The following DAB1 variants were observed in gnomAD, a reference collection of about 807,000 sequenced individuals.
DAB1 encodes the protein DAB adaptor protein 1.
A neutral mutation model predicts 64.6 loss-of-function variants in DAB1; 15 were observed. That is an observed-to-expected ratio of 0.23 (90% CI 0.16 to 0.36). The LOEUF (loss-of-function observed/expected upper bound fraction) is 0.36, where lower values mean the gene tolerates loss of function less well. Among genes scored for constraint, DAB1 ranks in the 10% least tolerant of loss-of-function variants. The pLI is 1.00. For synonymous variants in DAB1, 235 were observed against 251.9 expected, an observed-to-expected ratio of 0.93 and a Z score of 0.64; for missense variants, 596 against 706.7, an observed-to-expected ratio of 0.84 and a Z score of 1.78.
chr1:57,913,992 C>T lies in DAB1; in HGVS notation n.388-29830G>A, dbSNP rs182661217. On this transcript the variant is annotated intron_variant and non_coding_transcript_variant, in intron 5 of 20. Coordinates refer to the DAB1 transcript ENST00000485760. Reference sequence around the variant, plus strand: ...AGAAATAGGAACACTTTTACACTGTCGGTGGGACTGTAAACCAGTTCAACC... The same window carrying T: ...AGAAATAGGAACACTTTTACACTGTTGGTGGGACTGTAAACCAGTTCAACC... Among the ~76,000 whole-genome samples, 146 of 152,194 alleles carry T rather than the reference C, an allele frequency of 9.6e-4. No individual in the cohort carries two copies. In the South Asian group the frequency reaches 0.011, roughly 11 times the overall value.
intron 2 of DAB1, among the ~76,000 whole-genome samples, chr1:57,240,266 G>C (rs1022666230): frequency 6.6e-6 from 1 of 152,026 alleles, no homozygotes; most frequent in African/African-American, 2.4e-5. Context: ...AATCTGATTA[G>C]GGCAACACTT....
At chr1:57,023,670 G>A in intron 10 of DAB1, 31 bp from the exon 11 acceptor site, 2 of 1,423,346 alleles carry the variant, frequency 1.4e-6, no homozygotes, top group Non-Finnish European at 2.0e-6. Context: ...GAGGACACAT[G>A]AGACCTGGCT....
chr1:57,028,839 C>T (rs183782691), intron 9 of DAB1, among the ~76,000 whole-genome samples: 21 of 152,166 alleles, frequency 1.4e-4, no homozygotes, highest in African/African-American at 4.8e-4. Flanking sequence ...CAATAGGTAA[C>T]TTGGGTGCTG....
chr1:57,185,049 C>T (rs1231785915), intron 2 of DAB1, among the ~76,000 whole-genome samples: 2 of 152,130 alleles, frequency 1.3e-5, no homozygotes, highest in Non-Finnish European at 2.9e-5. Flanking sequence ...ATCCTGCCAT[C>T]CTGATCTTCT....
chr1:57,607,804 A>G (rs185296369), intron 7 of DAB1, among the ~76,000 whole-genome samples: 153 of 152,336 alleles, frequency 1.0e-3, no homozygotes, highest in African/African-American at 3.6e-3. Flanking sequence ...AGCACATGAG[A>G]GAAGTAAGCA....
intron 4 of DAB1, among the ~76,000 whole-genome samples, chr1:58,247,148 G>T (rs1406650760): frequency 1.3e-5 from 2 of 152,022 alleles, no homozygotes; most frequent in African/African-American, 4.8e-5. Flanking sequence ...TCTGAGGATG[G>T]GCCAGAATGG....
intron 5 of DAB1, among the ~76,000 whole-genome samples, chr1:58,123,677 G>T (rs959325033): frequency 6.6e-6 from 1 of 152,106 alleles, no homozygotes; most frequent in Admixed American, 6.6e-5. Flanking sequence ...CTAGCTGTCC[G>T]ATCTCCAGGC....
At chr1:57,704,245 A>G (rs1441097704) in intron 6 of DAB1, among the ~76,000 whole-genome samples, 4 of 152,194 alleles carry the variant, frequency 2.6e-5, no homozygotes, top group Admixed American at 6.5e-5. Flanking sequence ...TGATTTTGTC[A>G]AAACTAGACA....
intron 9 of DAB1, among the ~76,000 whole-genome samples, chr1:57,034,018 A>C (rs904784507): frequency 1.7e-4 from 26 of 152,072 alleles, no homozygotes; most frequent in Middle Eastern, 3.2e-3. Context: ...GCGGTGGCTC[A>C]CGCCTGTAAT....
chr1:57,599,035 A>T (rs548990751), intron 7 of DAB1, among the ~76,000 whole-genome samples: 26 of 151,210 alleles, frequency 1.7e-4, no homozygotes, highest in Middle Eastern at 3.4e-3. Context: ...GCATGTTTTT[A>T]TTTTTTTTCT....
In DAB1 at chr1:57,338,656, C is replaced by A. The variant is rs139506752; in HGVS notation, c.-136-47490G>T. Among the ~76,000 whole-genome samples the A allele has an allele frequency of 4.7e-3, 718 of 152,238 alleles. 4 individuals carry two copies. The highest frequency in any genetic ancestry group is 8.7e-3 in the Non-Finnish European group (593 of 68,008). ...GTATCTATTTCTGCTTAGTACTGGG[C>A]AGTAAGTTGGAGCCCCATGAAGTTC... On this transcript the variant is annotated intron_variant, in intron 1 of 14. Coordinates refer to ENST00000371236, the MANE Select transcript of DAB1 (RefSeq NM_001365792.1).
rs12042872 is a variant in DAB1, at chr1:57,693,051, G to A, written n.552-43386C>T. Among the ~76,000 whole-genome samples, 10 of 152,220 alleles carry A rather than the reference G, an allele frequency of 6.6e-5. No individual in the cohort carries two copies. In the East Asian group the frequency reaches 1.9e-3, roughly 29 times the overall value. On this transcript the variant is annotated intron_variant and non_coding_transcript_variant, in intron 6 of 20. Coordinates refer to the DAB1 transcript ENST00000485760. ...TCAAATTTGTTTCCTCTAGGATCAA[G>A]GCCATCAAGCTACAGATGGTCTTAC...
At chr1:57,251,313 C>T (rs569535310) in intron 2 of DAB1, among the ~76,000 whole-genome samples, 113 of 152,286 alleles carry the variant, frequency 7.4e-4, no homozygotes, top group South Asian at 7.1e-3. Context: ...TCTGAAAACC[C>T]AGTCATTATG....
chr1:57,756,341 T>C (rs1024073112), intron 6 of DAB1, among the ~76,000 whole-genome samples: 6 of 152,100 alleles, frequency 3.9e-5, no homozygotes, highest in African/African-American at 9.7e-5. Flanking sequence ...CACTGAGATA[T>C]AGGAGTTCAT....
intron 7 of DAB1, among the ~76,000 whole-genome samples, chr1:57,549,482 A>T (rs1644891552): frequency 6.6e-6 from 1 of 152,200 alleles, no homozygotes; most frequent in African/African-American, 2.4e-5. Flanking sequence ...AAACATGATG[A>T]CATCATTCAC....
intron 9 of DAB1, among the ~76,000 whole-genome samples, chr1:57,055,268 A>G (rs756953248): frequency 5.6e-4 from 85 of 152,186 alleles, no homozygotes; most frequent in Non-Finnish European, 9.7e-4. Flanking sequence ...TTGGCTCACA[A>G]TTCCTAGGAA....
intron 1 of DAB1, among the ~76,000 whole-genome samples, chr1:57,415,478 A>G (rs1044731375): frequency 6.6e-6 from 1 of 152,216 alleles, no homozygotes; most frequent in Non-Finnish European, 1.5e-5. Context: ...AAGAAGTTAG[A>G]TAGCAGAAGG....
chr1:58,306,037 C>G (rs1569626660), intron 4 of DAB1, among the ~76,000 whole-genome samples: 1 of 151,676 alleles, frequency 6.6e-6, no homozygotes, highest in Non-Finnish European at 1.5e-5. Context: ...AAGAATCAGC[C>G]CTTCCAGGGC....
intron 7 of DAB1, among the ~76,000 whole-genome samples, chr1:57,470,052 C>T (rs1030771751): frequency 7.2e-5 from 11 of 152,254 alleles, no homozygotes; most frequent in African/African-American, 1.9e-4. Flanking sequence ...TATAGCAGTT[C>T]GAGGATGAAA....
Sources: gnomAD v4.1 joint callset for allele counts (sites outside exome capture counted in the v4.1 genomes callset) on GRCh38, gnomAD v4.1.1 for gene constraint, MANE v1.5 for transcripts, NCBI Gene and HGNC (gene_info 2026-07-23, HGNC 2026-07-21) for gene names.